The following DNAH5 variants were observed in gnomAD, a reference collection of about 807,000 sequenced individuals.
The protein encoded by DNAH5 is axonemal beta dynein heavy chain 5.
Under a neutral mutation model 518.2 loss-of-function variants are expected in DNAH5, and 372 were observed. The observed-to-expected ratio is 0.72, with a 90% CI of 0.66 to 0.78. The LOEUF (loss-of-function observed/expected upper bound fraction) is 0.78. Ranked by LOEUF, DNAH5 falls within the 30% of genes least tolerant of loss-of-function variation. The pLI, the probability that DNAH5 is intolerant of heterozygous loss-of-function variation, is 0.00. For synonymous variants in DNAH5, 2,039 were observed against 2,025.9 expected (o/e 1.01, Z -0.17); for missense variants, 5,523 against 5,687.0 (o/e 0.97, Z 0.93).
chr5:13,790,714 T>G (rs1366692893), intron 50 of DNAH5, among the ~76,000 whole-genome samples: 1 of 152,194 alleles, frequency 6.6e-6, no homozygotes, highest in African/African-American at 2.4e-5. Context: ...CCACCATGAT[T>G]GTTAAGTTTC....
chr5:13,748,994 C>T (rs77006295), intron 65 of DNAH5, among the ~76,000 whole-genome samples: 11,540 of 151,964 alleles, frequency 0.076, 612 homozygotes, highest in African/African-American at 0.14. Context: ...CAGGGATCAA[C>T]TCAGACCCAT....
At chr5:13,855,081 A>C (rs114426684) in intron 30 of DNAH5, among the ~76,000 whole-genome samples, 2,121 of 152,336 alleles carry the variant, frequency 0.014, 49 homozygotes, top group African/African-American at 0.047. Flanking sequence ...TAAGTAAAAT[A>C]AAAAATGCTT....
Position 13,752,714 on chromosome 5 carries a change from A to T in DNAH5, c.10873-425T>A, listed in dbSNP as rs144663963. On this transcript the variant is annotated intron_variant, in intron 63 of 78. Transcript: ENST00000265104. ...ATCCCAAGTATTTAGGATAAGGGGC[A>T]TTCAACTTTCATATAGATTTTTAGA... 7.9e-5 allele frequency among the ~76,000 whole-genome samples: 12 copies of T among 152,350 alleles called. No individual in the cohort carries two copies. The East Asian group carries it at 2.1e-3, about 27-fold the overall frequency.
intron 59 of DNAH5, among the ~76,000 whole-genome samples, chr5:13,765,191 A>G (rs1408922031): frequency 2.6e-5 from 4 of 152,198 alleles, no homozygotes; most frequent in African/African-American, 9.7e-5. Context: ...GCAAGACTTC[A>G]AATTAGAGCT....
Position 13,719,120 on chromosome 5 carries a change from G to A in DNAH5, c.12280-19C>T, listed in dbSNP as rs762124060. On this transcript the variant is annotated intron_variant, in intron 71 of 78. Coordinates refer to ENST00000265104, the MANE Select transcript of DNAH5 (RefSeq NM_001369.3). ...ATCCTCCCTGTCAATAGCAGTAAAC[G>A]GAAATTAGGTAGTTTTGTATTTCAC... is the stretch of plus-strand genomic sequence containing the variant. The A allele has an allele frequency of 1.2e-5, 19 of 1,589,492 alleles. No homozygotes were observed. The highest frequency in any genetic ancestry group is 8.9e-5 in the East Asian group (4 of 44,702).
intron 1 of DNAH5, among the ~76,000 whole-genome samples, chr5:13,965,980 C>A (rs1781495367): frequency 6.6e-6 from 1 of 151,290 alleles, no homozygotes; most frequent in African/African-American, 2.4e-5. Flanking sequence ...CTATCCCTCA[C>A]CCCCCTCCCA....
rs560686847 is a variant in DNAH5 at position 13,753,217 on chromosome 5, C to G, written c.10872+16G>C. ...AAACTTAACCGGTAGCATAAACATA[C>G]TAAAACACAAATTACCTGGAGTTCA... is the stretch of plus-strand genomic sequence containing the variant. On this transcript the variant is annotated intron_variant, in intron 63 of 78. Transcript: ENST00000265104. 52 of 1,605,196 alleles carry G rather than the reference C, an allele frequency of 3.2e-5. No homozygotes were observed. In the South Asian group the frequency reaches 5.7e-4, roughly 18 times the overall value.
chr5:13,700,697 T>A lies in DNAH5; in HGVS notation c.13666A>T (p.Lys4556Ter). ...ATCAACTCAAAGAGCACTTTTGGCTTTGATTCAATGAGTTTCATGTTCCTC... is the reference window on the plus strand; with the variant it reads ...ATCAACTCAAAGAGCACTTTTGGCTATGATTCAATGAGTTTCATGTTCCTC... ...DKRNMKLIES[K>*]PKVLFELMPV... is the part of the protein sequence containing the mutation. Residue 4556 changes from lysine to a stop codon, truncating the protein, a stop_gained, in exon 78 of 79, where the codon AAG (lysine) becomes TAG (stop). Coordinates refer to ENST00000265104, the MANE Select transcript of DNAH5 (RefSeq NM_001369.3). LOFTEE classifies it high-confidence loss of function. The A allele has an allele frequency of 6.2e-7, 1 of 1,614,204 alleles. No individual in the cohort carries two copies. The highest frequency in any genetic ancestry group is 8.5e-7 in the Non-Finnish European group (1 of 1,180,016).
chr5:13,715,869 G>T (rs1235884922), intron 74 of DNAH5, among the ~76,000 whole-genome samples: 1 of 152,178 alleles, frequency 6.6e-6, no homozygotes, highest in African/African-American at 2.4e-5. Flanking sequence ...TGGGTATGGG[G>T]TTGTTATTGG....
At chr5:13,919,480 T>C in intron 6 of DNAH5, 128 bp from the exon 7 acceptor site, 1 of 1,101,778 alleles carries the variant, frequency 9.1e-7, no homozygotes, top group South Asian at 1.6e-5. Context: ...TATTCCATGC[T>C]TCCAATAACA....
intron 68 of DNAH5, among the ~76,000 whole-genome samples, chr5:13,732,511 T>C (rs1426297659): frequency 6.6e-6 from 1 of 152,088 alleles, no homozygotes; most frequent in Non-Finnish European, 1.5e-5. Context: ...GGACTACAGG[T>C]GTGAGCCACC....
At chr5:13,905,040 T>C (rs17526653) in intron 12 of DNAH5, among the ~76,000 whole-genome samples, 4,599 of 152,294 alleles carry the variant, frequency 0.03, 163 homozygotes, top group East Asian at 0.095. Flanking sequence ...ACAAAATTGA[T>C]TGTAAGGCAA....
At chr5:13,837,757 C>T (rs796218366) in intron 35 of DNAH5, among the ~76,000 whole-genome samples, 14 of 127,118 alleles carry the variant, frequency 1.1e-4, no homozygotes, top group African/African-American at 3.0e-4. Context: ...GGCTGGAGTG[C>T]GGTGGCATGA....
intron 50 of DNAH5, among the ~76,000 whole-genome samples, chr5:13,790,390 T>C (rs1756772994): frequency 6.6e-6 from 1 of 152,182 alleles, no homozygotes; most frequent in Non-Finnish European, 1.5e-5. Context: ...AGATCATGTC[T>C]TTCATGGGAA....
chr5:13,800,088 C>G (rs1443104083), intron 47 of DNAH5, among the ~76,000 whole-genome samples: 1 of 152,132 alleles, frequency 6.6e-6, no homozygotes, highest in African/African-American at 2.4e-5. Flanking sequence ...GAGGGTCTTT[C>G]TTCCCTTGGG....
chr5:13,714,708 T>C (rs780103184), intron 74 of DNAH5, 88 bp from the exon 75 acceptor site: 4 of 1,254,684 alleles, frequency 3.2e-6, no homozygotes, highest in Non-Finnish European at 4.6e-6. Flanking sequence ...AATGCTTCTA[T>C]GAGGGTATGC....
At chr5:13,703,404 T>A (rs1363843452) in intron 76 of DNAH5, among the ~76,000 whole-genome samples, 2 of 151,630 alleles carry the variant, frequency 1.3e-5, no homozygotes, top group African/African-American at 2.4e-5. Context: ...GTACCCCAAG[T>A]TAGCCCATAA....
In DNAH5 at chr5:13,900,421, A is replaced by G. The variant is rs1224197284; in HGVS notation, c.2053-9T>C. On this transcript the variant is annotated splice_polypyrimidine_tract_variant and intron_variant, in intron 14 of 78. Coordinates refer to ENST00000265104, the MANE Select transcript of DNAH5 (RefSeq NM_001369.3). Reference sequence around the variant, plus strand: ...ACATGAATTTCTTCAATCTGTGGGAAGAAACCAACATCATTACTATCAGAA... The same window carrying G: ...ACATGAATTTCTTCAATCTGTGGGAGGAAACCAACATCATTACTATCAGAA... The G allele has an allele frequency of 6.2e-7, 1 of 1,609,586 alleles. No individual in the cohort carries two copies. Among genetic ancestry groups the G allele is most frequent in the East Asian group, 2.2e-5 (1 of 44,822 alleles).
intron 30 of DNAH5, among the ~76,000 whole-genome samples, chr5:13,852,765 T>G (rs1025011051): frequency 1.3e-5 from 2 of 152,190 alleles, no homozygotes; most frequent in Non-Finnish European, 2.9e-5. Flanking sequence ...AAGTTCAGAC[T>G]GGGCAGAGCC....
Sources: gnomAD v4.1 joint callset for allele counts (sites outside exome capture counted in the v4.1 genomes callset) on GRCh38, gnomAD v4.1.1 for gene constraint, MANE v1.5 for transcripts, NCBI Gene and HGNC (gene_info 2026-07-23, HGNC 2026-07-21) for gene names.